CXCL13: variants seen among roughly 807,000 people sequenced by gnomAD.
CXCL13 encodes C-X-C motif chemokine ligand 13.
Under a neutral mutation model 12.2 loss-of-function variants are expected in CXCL13, and 7 were observed. The ratio of observed to expected loss-of-function variants is 0.57; its 90% CI spans 0.33 to 1.07. The LOEUF is 1.07. CXCL13 is among the 50% of genes least tolerant of loss of function. CXCL13 has a pLI of 0.04. For missense variants in CXCL13, 113 were observed against 127.4 expected (o/e 0.89, Z 0.55); for synonymous variants, 47 against 42.4 (o/e 1.11, Z -0.42).
intron 1 of CXCL13, among the ~76,000 whole-genome samples, chr4:77,531,703 G>A (rs1454395034): frequency 6.6e-6 from 1 of 152,068 alleles, no homozygotes; most frequent in Non-Finnish European, 1.5e-5. Context: ...AGGTCTCTAA[G>A]GACTTGCTTT....
At chr4:77,603,301 A>G (rs769899337), upstream of CXCL13, among the ~76,000 whole-genome samples, 1 of 152,220 alleles carries the variant, frequency 6.6e-6, no homozygotes, top group Non-Finnish European at 1.5e-5. Flanking sequence ...CAGGAATGTT[A>G]TTGCCTACCA....
chr4:77,581,600 G>C (rs1726335218), intron 1 of CXCL13, among the ~76,000 whole-genome samples: 1 of 152,074 alleles, frequency 6.6e-6, no homozygotes, highest in South Asian at 2.1e-4. Context: ...ATAAGAGTTA[G>C]CATCCTCCAA....
At chr4:77,606,722 A>AT (rs141389387) in intron 1 of CXCL13, among the ~76,000 whole-genome samples, 3 of 152,130 alleles carry the variant, frequency 2.0e-5, no homozygotes, top group Non-Finnish European at 4.4e-5. Context: ...TGCATGTTAG[A>AT]TTTTGAGCGT....
chr4:77,577,104 T>A (rs1215608002), intron 1 of CXCL13, among the ~76,000 whole-genome samples: 1 of 152,182 alleles, frequency 6.6e-6, no homozygotes, highest in East Asian at 1.9e-4. Context: ...TGAGCAATTA[T>A]CCTGCAAATC....
intron 1 of CXCL13, among the ~76,000 whole-genome samples, chr4:77,598,129 T>G (rs1293882189): frequency 6.6e-6 from 1 of 152,190 alleles, no homozygotes; most frequent in Non-Finnish European, 1.5e-5. Context: ...TTGCCTGTCT[T>G]GACAGTATAC....
intron 1 of CXCL13, among the ~76,000 whole-genome samples, chr4:77,515,915 G>A (rs571315563): frequency 3.3e-5 from 5 of 152,142 alleles, no homozygotes; most frequent in Non-Finnish European, 7.4e-5. Context: ...TCCAGTTTTT[G>A]CACATTCAGT....
chr4:77,515,458 T>C lies in CXCL13; in HGVS notation c.-43+3670T>C, dbSNP rs4541533. Among the ~76,000 whole-genome samples, 1,152 of 152,322 alleles carry C rather than the reference T, an allele frequency of 7.6e-3. 14 individuals are homozygous for C. Among genetic ancestry groups the C allele is most frequent in the African/African-American group, 0.025 (1,041 of 41,564 alleles). ...CCATGAGCATGGAAGGTTCTTTCAT[T>C]TGTTTGTATCCTCTTTTATTTCATT... On this transcript the variant is annotated intron_variant, in intron 1 of 4. Transcript: ENST00000286758.
chr4:77,570,918 C>A (rs955387972), intron 1 of CXCL13, among the ~76,000 whole-genome samples: 4 of 152,048 alleles, frequency 2.6e-5, no homozygotes, highest in Non-Finnish European at 5.9e-5. Context: ...GGCCTCGGGA[C>A]TGCAGCCCGC....
chr4:77,565,284 G>A (rs1191397659), intron 1 of CXCL13, among the ~76,000 whole-genome samples: 6 of 152,176 alleles, frequency 3.9e-5, no homozygotes, highest in African/African-American at 1.2e-4. Flanking sequence ...GGGAGAAGAC[G>A]AATAAGCTGT....
At position 77,609,300 on chromosome 4, in the gene CXCL13, G is replaced by GT. The variant is rs544006052; in HGVS notation, c.198-1304dup. ...TTTGTTTCTGTTTTTTGTGTTTTGG[G>GT]TTTTTTTTTTGTTTTGTTTTGTTTT... is the stretch of plus-strand genomic sequence containing the variant. On this transcript the variant is annotated intron_variant, in intron 2 of 3. Coordinates refer to ENST00000682537, the MANE Select transcript of CXCL13 (RefSeq NM_001371558.1). Among the ~76,000 whole-genome samples, 338 of 146,666 alleles carry GT rather than the reference G, an allele frequency of 2.3e-3. 3 individuals carry two copies. Among genetic ancestry groups the GT allele is most frequent in the South Asian group, 0.012 (56 of 4,568 alleles).
intron 1 of CXCL13, among the ~76,000 whole-genome samples, chr4:77,517,963 G>A (rs6829760): frequency 0.029 from 4,362 of 152,252 alleles, 206 homozygotes; most frequent in African/African-American, 0.099. Flanking sequence ...TCCTTTCCAC[G>A]TTTAGTGCTT....
intron 1 of CXCL13, among the ~76,000 whole-genome samples, chr4:77,519,186 G>C (rs975231130): frequency 6.6e-6 from 1 of 152,116 alleles, no homozygotes; most frequent in Non-Finnish European, 1.5e-5. Context: ...GCCATGTGAG[G>C]TGTCAGTCTG....
intron 1 of CXCL13, among the ~76,000 whole-genome samples, chr4:77,549,077 T>A (rs1216274413): frequency 6.6e-6 from 1 of 152,236 alleles, no homozygotes; most frequent in African/African-American, 2.4e-5. Flanking sequence ...TCACTTCATT[T>A]CATACATTTG....
chr4:77,565,327 C>T (rs1424146474), intron 1 of CXCL13, among the ~76,000 whole-genome samples: 2 of 152,138 alleles, frequency 1.3e-5, no homozygotes, highest in Non-Finnish European at 2.9e-5. Context: ...ACACACATTC[C>T]TCCCTCTCCT....
chr4:77,587,049 G>A (rs1028195954), intron 1 of CXCL13, among the ~76,000 whole-genome samples: 1 of 152,210 alleles, frequency 6.6e-6, no homozygotes, highest in Non-Finnish European at 1.5e-5. Context: ...CTGCTGCTTA[G>A]TCACTCCTAA....
At chr4:77,531,079 G>T (rs1320923962) in intron 1 of CXCL13, among the ~76,000 whole-genome samples, 1 of 148,150 alleles carries the variant, frequency 6.7e-6, no homozygotes, top group Non-Finnish European at 1.5e-5. Context: ...ATGTATTTGA[G>T]TGTTTTTGAG....
At chr4:77,524,616 A>C (rs1724714822) in intron 1 of CXCL13, among the ~76,000 whole-genome samples, 1 of 152,172 alleles carries the variant, frequency 6.6e-6, no homozygotes, top group African/African-American at 2.4e-5. Flanking sequence ...TATTCCAGGT[A>C]CAGTCTGTTG....
chr4:77,587,041 G>T (rs901025216), intron 1 of CXCL13, among the ~76,000 whole-genome samples: 1 of 152,200 alleles, frequency 6.6e-6, no homozygotes, highest in Non-Finnish European at 1.5e-5. Flanking sequence ...TGGGGCGGCT[G>T]CTGCTTAGTC....
intron 1 of CXCL13, among the ~76,000 whole-genome samples, chr4:77,557,446 C>T (rs1725685433): frequency 6.6e-6 from 1 of 152,190 alleles, no homozygotes. Flanking sequence ...TGCCGTCAAC[C>T]TCCCAATCAG....
Sources: allele counts gnomAD v4.1 joint callset (sites outside exome capture counted in the v4.1 genomes callset), GRCh38; gene constraint gnomAD v4.1.1; transcripts MANE v1.5; gene names NCBI Gene and HGNC (gene_info 2026-07-23, HGNC 2026-07-21).